The following RAB38 variants were observed in gnomAD, a reference collection of about 807,000 sequenced individuals.
RAB38 encodes ras-related protein Rab-38.
In RAB38, 15 loss-of-function variants were observed where a neutral mutation model predicts 18.4. That is an observed-to-expected ratio of 0.82 (90% confidence interval 0.55 to 1.26). The LOEUF (loss-of-function observed/expected upper bound fraction) is 1.26, where lower values mean the gene tolerates loss of function less well. RAB38 is among the 50% of genes most tolerant of loss of function. RAB38 has a pLI of 0.00. For synonymous variants in RAB38, 101 were observed against 104.4 expected (o/e 0.97, Z 0.20); for missense variants, 294 against 267.4 (o/e 1.10, Z -0.69).
At chr11:87,847,142 A>G in the RAB38 span, among the ~76,000 whole-genome samples, 1 of 152,078 alleles carries the variant, frequency 6.6e-6, no homozygotes, top group Non-Finnish European at 1.5e-5. Context: ...AGTAGAAGAA[A>G]GATTTTATAA....
the RAB38 span, among the ~76,000 whole-genome samples, chr11:87,962,864 T>G: frequency 0.015 from 2,292 of 152,314 alleles, 56 homozygotes; most frequent in African/African-American, 0.052. Context: ...ACTAGCTTGA[T>G]TTAAACATTC....
intron 1 of RAB38, among the ~76,000 whole-genome samples, chr11:88,174,762 G>A (rs933638028): frequency 3.3e-5 from 5 of 152,172 alleles, no homozygotes; most frequent in African/African-American, 9.7e-5. Context: ...GAACTATCCC[G>A]GTTTCCTCTG....
At chr11:88,160,051 A>G (rs1943171877) in intron 1 of RAB38, among the ~76,000 whole-genome samples, 1 of 152,142 alleles carries the variant, frequency 6.6e-6, no homozygotes. Context: ...AATCTACAGA[A>G]TGGGAGAAAA....
chr11:87,967,366 G>T, the RAB38 span, among the ~76,000 whole-genome samples: 1 of 152,134 alleles, frequency 6.6e-6, no homozygotes, highest in African/African-American at 2.4e-5. Flanking sequence ...GTGTGGTTTG[G>T]ACCAACTTCA....
intron 2 of RAB38, among the ~76,000 whole-genome samples, chr11:88,145,952 C>T (rs907366638): frequency 1.3e-5 from 2 of 152,002 alleles, no homozygotes; most frequent in African/African-American, 4.8e-5. Context: ...GCCAAGAAAG[C>T]AAAAGAATGC....
the RAB38 span, among the ~76,000 whole-genome samples, chr11:87,885,835 C>A: frequency 6.6e-6 from 1 of 152,082 alleles, no homozygotes; most frequent in Admixed American, 6.5e-5. Flanking sequence ...TTTGCAATTA[C>A]TTATATCAAT....
chr11:88,089,943 T>A, the RAB38 span, among the ~76,000 whole-genome samples: 1 of 151,970 alleles, frequency 6.6e-6, no homozygotes, highest in Admixed American at 6.6e-5. Context: ...TGGTGCCTGA[T>A]GATCTTGAGG....
the RAB38 span, among the ~76,000 whole-genome samples, chr11:87,892,450 G>A: frequency 6.6e-6 from 1 of 151,770 alleles, no homozygotes; most frequent in Non-Finnish European, 1.5e-5. Flanking sequence ...ATTTCCTTCA[G>A]ATTCATCCTC....
At chr11:88,139,302 A>C (rs1942876699) in intron 2 of RAB38, among the ~76,000 whole-genome samples, 1 of 152,202 alleles carries the variant, frequency 6.6e-6, no homozygotes, top group Admixed American at 6.5e-5. Flanking sequence ...AGGAGTTCTC[A>C]GTGCTTCCCT....
At chr11:87,866,583 C>G in the RAB38 span, among the ~76,000 whole-genome samples, 4 of 151,698 alleles carry the variant, frequency 2.6e-5, no homozygotes, top group African/African-American at 4.8e-5. Context: ...GACAGAACTA[C>G]CTTTTACCAA....
chr11:87,811,902 A>C, the RAB38 span, among the ~76,000 whole-genome samples: 1 of 152,186 alleles, frequency 6.6e-6, no homozygotes, highest in Admixed American at 6.5e-5. Context: ...AATGTGTACA[A>C]TTTCAAATAG....
chr11:88,013,492 T>C, the RAB38 span, among the ~76,000 whole-genome samples: 1 of 152,146 alleles, frequency 6.6e-6, no homozygotes, highest in African/African-American at 2.4e-5. Flanking sequence ...AAATAACCAA[T>C]TGAGAATGAC....
chr11:88,047,214 C>A, the RAB38 span, among the ~76,000 whole-genome samples: 1 of 152,198 alleles, frequency 6.6e-6, no homozygotes, highest in Admixed American at 6.5e-5. Flanking sequence ...GAGTCTCCCA[C>A]AATTACCATT....
the RAB38 span, among the ~76,000 whole-genome samples, chr11:88,103,780 G>A: frequency 6.6e-6 from 1 of 152,088 alleles, no homozygotes; most frequent in Admixed American, 6.6e-5. Flanking sequence ...TCCTTTGCCA[G>A]TAGGCACAAT....
the RAB38 span, among the ~76,000 whole-genome samples, chr11:87,806,403 G>C: frequency 2.6e-5 from 4 of 152,074 alleles, no homozygotes; most frequent in African/African-American, 9.7e-5. Context: ...AGCTCCCTGA[G>C]GTCTCTTTTA....
At position 88,161,909 on chromosome 11, in the gene RAB38, G is replaced by C. The variant is rs77794231; in HGVS notation, c.203-11954C>G. ...GTCACAGAACCATCAGTAGACCTAA[G>C]AGTGACACCAAGATGTTCTCTATAT... On this transcript the variant is annotated intron_variant, in intron 1 of 2. Coordinates refer to ENST00000243662, the MANE Select transcript of RAB38 (RefSeq NM_022337.3). Among the ~76,000 whole-genome samples, 9 of 152,168 alleles carry C rather than the reference G, an allele frequency of 5.9e-5. No individual in the cohort carries two copies. In the East Asian group the frequency reaches 1.7e-3, roughly 29 times the overall value.
the RAB38 span, among the ~76,000 whole-genome samples, chr11:88,039,438 C>A: frequency 6.6e-6 from 1 of 151,754 alleles, no homozygotes; most frequent in Admixed American, 6.6e-5. Context: ...TTCCTTAGGC[C>A]AATGTAAAGC....
chr11:88,168,492 T>A (rs1207098277), intron 1 of RAB38, among the ~76,000 whole-genome samples: 1 of 152,136 alleles, frequency 6.6e-6, no homozygotes, highest in East Asian at 1.9e-4. Flanking sequence ...CACTTTTCAA[T>A]GACTAAATAA....
At chr11:87,826,431 A>G in the RAB38 span, among the ~76,000 whole-genome samples, 2 of 152,170 alleles carry the variant, frequency 1.3e-5, no homozygotes, top group Non-Finnish European at 2.9e-5. Context: ...ATCTTTTATT[A>G]CTTAAAAGCA....
Sources: gnomAD v4.1 joint callset for allele counts (sites outside exome capture counted in the v4.1 genomes callset) on GRCh38, gnomAD v4.1.1 for gene constraint, MANE v1.5 for transcripts, NCBI Gene and HGNC (gene_info 2026-07-23, HGNC 2026-07-21) for gene names.